Variants in PDE11A observed in about 807,000 individuals in gnomAD.
The protein encoded by PDE11A is phosphodiesterase 11A.
In PDE11A, 100 loss-of-function variants were observed where a neutral mutation model predicts 100.5. The observed-to-expected ratio is 1.00, with a 90% CI of 0.85 to 1.18. The LOEUF is 1.18. PDE11A is among the 50% of genes most tolerant of loss of function. The pLI is 0.00. For synonymous variants in PDE11A, 381 were observed against 420.8 expected, an observed-to-expected ratio of 0.91 and a Z score of 1.16; for missense variants, 1,141 against 1,152.6, an observed-to-expected ratio of 0.99 and a Z score of 0.15.
At chr2:177,944,828 CTCTCCCTCTCCG>C (rs1182211734) in intron 2 of PDE11A, among the ~76,000 whole-genome samples, 26 of 129,958 alleles carry the variant, frequency 2.0e-4, no homozygotes, top group Non-Finnish European at 3.7e-4. Flanking sequence ...CTCCCTCTCC[CTCTCCCTCTCCG>C]TCTCCCTCTC....
At chr2:178,099,302 G>C (rs1296415741) in intron 2 of PDE11A, among the ~76,000 whole-genome samples, 1 of 152,050 alleles carries the variant, frequency 6.6e-6, no homozygotes, top group Non-Finnish European at 1.5e-5. Context: ...GCCGCATGTG[G>C]TGGCACACGC....
chr2:178,095,147 A>T (rs1379058627), intron 2 of PDE11A, among the ~76,000 whole-genome samples: 2 of 152,150 alleles, frequency 1.3e-5, no homozygotes, highest in Non-Finnish European at 2.9e-5. Context: ...GCATTAACTC[A>T]AAAGTCCATA....
chr2:177,730,834 C>T (rs1227933570), intron 10 of PDE11A, among the ~76,000 whole-genome samples: 1 of 152,084 alleles, frequency 6.6e-6, no homozygotes, highest in African/African-American at 2.4e-5. Flanking sequence ...AAATACTGTA[C>T]TGTGTACAGT....
At chr2:177,882,772 G>T (rs1479975786) in intron 4 of PDE11A, among the ~76,000 whole-genome samples, 1 of 152,028 alleles carries the variant, frequency 6.6e-6, no homozygotes, top group African/African-American at 2.4e-5. Flanking sequence ...AAGTCTTTTT[G>T]ATTTGGATAT....
chr2:177,945,277 G>A (rs1052835471), intron 2 of PDE11A, among the ~76,000 whole-genome samples: 13 of 149,974 alleles, frequency 8.7e-5, no homozygotes, highest in African/African-American at 2.9e-4. Flanking sequence ...CTGCCTGGCC[G>A]CCCATCGTCT....
At chr2:178,025,069 G>A (rs914916067) in intron 1 of PDE11A, among the ~76,000 whole-genome samples, 3 of 152,144 alleles carry the variant, frequency 2.0e-5, no homozygotes, top group African/African-American at 7.2e-5. Context: ...CTGAGAAAAA[G>A]TGAAAAATTA....
intron 1 of PDE11A, chr2:178,108,233 G>GC (rs1169796632): frequency 1.3e-5 from 2 of 152,222 alleles, no homozygotes; most frequent in Non-Finnish European, 2.9e-5. Flanking sequence ...TCCTCCCTTT[G>GC]CCCCCGCTCC....
chr2:178,105,855 G>T, intron 1 of PDE11A: 1 of 283,492 alleles, frequency 3.5e-6, no homozygotes. Context: ...TGCGGTTTCT[G>T]TCCAAAAAAA....
rs564331828 is a variant in PDE11A at position 177,734,236 on chromosome 2, C to A, written c.1789-6064G>T. Among the ~76,000 whole-genome samples the A allele has an allele frequency of 3.3e-5, 5 of 152,192 alleles. No homozygotes were observed. The South Asian group carries it at 1.0e-3, about 32-fold the overall frequency. ...AATTCAGAGCTGACTTTGGAATGAA[C>A]CCAAATTGTTACTTTGTGTTGATTG... is the stretch of plus-strand genomic sequence containing the variant. On this transcript the variant is annotated intron_variant, in intron 10 of 19. Coordinates refer to ENST00000286063, the MANE Select transcript of PDE11A (RefSeq NM_016953.4).
chr2:177,916,927 A>ATTTTTTTTTTTTTTTT (rs1183483256), intron 2 of PDE11A, among the ~76,000 whole-genome samples: 124 of 105,274 alleles, frequency 1.2e-3, no homozygotes, highest in African/African-American at 2.3e-3. Flanking sequence ...CGCCCGGCTA[A>ATTTTTTTTTTTTTTTT]TTTTTTTTTT....
chr2:177,890,122 T>G (rs1330276298), intron 4 of PDE11A, among the ~76,000 whole-genome samples: 1 of 152,248 alleles, frequency 6.6e-6, no homozygotes, highest in Non-Finnish European at 1.5e-5. Flanking sequence ...GTGAGAAGTC[T>G]CCTGTGCTTA....
At chr2:177,655,865 C>T (rs2080374718) in intron 19 of PDE11A, among the ~76,000 whole-genome samples, 1 of 152,164 alleles carries the variant, frequency 6.6e-6, no homozygotes, top group African/African-American at 2.4e-5. Flanking sequence ...ATGCAATATA[C>T]AATATACATT....
At chr2:177,953,742 T>C (rs1407065067) in intron 2 of PDE11A, among the ~76,000 whole-genome samples, 2 of 152,134 alleles carry the variant, frequency 1.3e-5, no homozygotes, top group Non-Finnish European at 2.9e-5. Context: ...TGTAATTAAA[T>C]AAACCCTTGG....
intron 12 of PDE11A, among the ~76,000 whole-genome samples, chr2:177,713,077 C>T (rs975241273): frequency 6.6e-6 from 1 of 152,032 alleles, no homozygotes; most frequent in African/African-American, 2.4e-5. Context: ...GGCACCATCT[C>T]GGCTTACTGC....
chr2:177,705,359 A>G (rs950545538), intron 13 of PDE11A, among the ~76,000 whole-genome samples: 2 of 152,234 alleles, frequency 1.3e-5, no homozygotes, highest in African/African-American at 4.8e-5. Flanking sequence ...TAGTTGTGAA[A>G]ATATGATTAT....
At chr2:177,700,970 C>G in intron 14 of PDE11A, 151 bp downstream of exon 14, 2 of 700,532 alleles carry the variant, frequency 2.9e-6, no homozygotes, top group South Asian at 1.5e-5. Context: ...TCTATAGGAA[C>G]AGAAAAAGCT....
At chr2:177,964,376 AT>A (rs1231436489) in intron 2 of PDE11A, among the ~76,000 whole-genome samples, 2 of 151,514 alleles carry the variant, frequency 1.3e-5, no homozygotes, top group East Asian at 1.9e-4. Flanking sequence ...CTCTATTTCT[AT>A]TTTTTTTCTT....
chr2:177,817,738 T>C (rs961069120), intron 8 of PDE11A, 120 bp downstream of exon 8: 4 of 656,376 alleles, frequency 6.1e-6, no homozygotes, highest in African/African-American at 5.5e-5. Flanking sequence ...TCCTGTTAAT[T>C]TTGCCCTCCA....
chr2:177,778,236 C>T (rs1162771948), intron 9 of PDE11A, among the ~76,000 whole-genome samples: 2 of 152,156 alleles, frequency 1.3e-5, no homozygotes, highest in Non-Finnish European at 2.9e-5. Context: ...CAGTTCAGGA[C>T]CAGAACCAAA....
Sources: gnomAD v4.1 joint callset for allele counts (sites outside exome capture counted in the v4.1 genomes callset) on GRCh38, gnomAD v4.1.1 for gene constraint, MANE v1.5 for transcripts, NCBI Gene and HGNC (gene_info 2026-07-23, HGNC 2026-07-21) for gene names.